The following ZNF704 variants were observed in gnomAD, a reference collection of about 807,000 sequenced individuals.
The protein encoded by ZNF704 is zinc finger protein 704.
ZNF704 carries 10 observed loss-of-function variants against 44.7 expected under a neutral mutation model. The observed-to-expected ratio is 0.22, with a 90% CI of 0.14 to 0.38. ZNF704 has a LOEUF of 0.38. Ranked by LOEUF, ZNF704 falls within the 10% of genes least tolerant of loss-of-function variation. The pLI, the probability that ZNF704 is intolerant of heterozygous loss-of-function variation, is 1.00. For missense variants in ZNF704, 390 were observed against 545.5 expected (o/e 0.71, Z 2.84); for synonymous variants, 211 against 207.6 (o/e 1.02, Z -0.14).
At chr8:80,685,892 T>C (rs1818526684) in intron 4 of ZNF704, among the ~76,000 whole-genome samples, 1 of 152,220 alleles carries the variant, frequency 6.6e-6, no homozygotes, top group Non-Finnish European at 1.5e-5. Context: ...GGAAAAAAGT[T>C]TGCACTGCAG....
intron 2 of ZNF704, among the ~76,000 whole-genome samples, chr8:80,718,738 G>C (rs1260290681): frequency 1.3e-5 from 2 of 152,144 alleles, no homozygotes; most frequent in African/African-American, 4.8e-5. Context: ...AAATAAGTAC[G>C]TAACTGAGGT....
At chr8:80,694,735 C>T (rs1187002282) in intron 2 of ZNF704, among the ~76,000 whole-genome samples, 1 of 152,196 alleles carries the variant, frequency 6.6e-6, no homozygotes, top group Non-Finnish European at 1.5e-5. Context: ...CAGTTTGGCT[C>T]TCTGATGTCC....
At chr8:80,711,534 A>G (rs1332806400) in intron 2 of ZNF704, among the ~76,000 whole-genome samples, 1 of 152,250 alleles carries the variant, frequency 6.6e-6, no homozygotes, top group Admixed American at 6.5e-5. Flanking sequence ...AGCAGGTTAA[A>G]GACTCACTGC....
chr8:80,703,027 C>T (rs1327573377), intron 2 of ZNF704, among the ~76,000 whole-genome samples: 2 of 152,008 alleles, frequency 1.3e-5, no homozygotes, highest in East Asian at 1.9e-4. Flanking sequence ...GTAACAGCCG[C>T]GGGGACACAG....
intron 2 of ZNF704, among the ~76,000 whole-genome samples, chr8:80,759,428 C>CT (rs1807091641): frequency 6.6e-6 from 1 of 152,046 alleles, no homozygotes; most frequent in African/African-American, 2.4e-5. Context: ...AGTTCATACC[C>CT]TTTTTAATAC....
chr8:80,818,798 T>G (rs1458541414), intron 2 of ZNF704, among the ~76,000 whole-genome samples: 2 of 152,166 alleles, frequency 1.3e-5, no homozygotes, highest in Non-Finnish European at 2.9e-5. Context: ...TTCTTCTTAG[T>G]AAACAAAAGG....
the ZNF704 span, among the ~76,000 whole-genome samples, chr8:80,883,245 CAAAA>C: frequency 4.0e-3 from 334 of 83,414 alleles, 1 homozygote; most frequent in African/African-American, 0.014. Flanking sequence ...GACACCCTCT[CAAAA>C]AAAAAAAAAA....
In ZNF704 at chr8:80,757,952, C is replaced by A. The variant is rs898111649; in HGVS notation, c.221+63422G>T. ...GCCTAATGACGCATTTCTCAGAATGCCTATCCCCATAGTTAAGTGACACAT... is the reference window on the plus strand; with the variant it reads ...GCCTAATGACGCATTTCTCAGAATGACTATCCCCATAGTTAAGTGACACAT... On this transcript the variant is annotated intron_variant, in intron 2 of 8. Coordinates refer to ENST00000327835, the MANE Select transcript of ZNF704 (RefSeq NM_001033723.3). 6.6e-5 allele frequency among the ~76,000 whole-genome samples: 10 copies of A among 152,110 alleles called. 1 individual carries two copies. In the East Asian group the frequency reaches 1.9e-3, roughly 29 times the overall value.
In ZNF704 at chr8:80,629,665, A is replaced by ATAAG. The variant is rs376453456; in HGVS notation, c.*11697_*11700dup. The ATAAG allele has an allele frequency of 2.6e-5, 4 of 152,354 alleles. No individual in the cohort carries two copies. The highest frequency in any genetic ancestry group is 9.6e-5 in the African/African-American group (4 of 41,578). The allele number at this position is 152,354 out of a possible 1,614,324, so 9.4% of individuals were successfully genotyped here. On this transcript the variant is annotated 3_prime_UTR_variant, in exon 9 of 9. Transcript: ENST00000327835. ...ATATTCTATATAGACTTTCCAAAAT[A>ATAAG]TAAGTAATTTTGAAAAAAGATCAAT... is the stretch of plus-strand genomic sequence containing the variant.
chr8:80,736,311 C>T (rs1015124305), intron 2 of ZNF704, among the ~76,000 whole-genome samples: 2 of 152,240 alleles, frequency 1.3e-5, no homozygotes, highest in Non-Finnish European at 2.9e-5. Flanking sequence ...GACGCAGTCT[C>T]GCTCTATCAC....
intron 1 of ZNF704, among the ~76,000 whole-genome samples, chr8:80,873,092 G>A (rs1402320154): frequency 2.0e-5 from 3 of 152,156 alleles, no homozygotes; most frequent in South Asian, 2.1e-4. Flanking sequence ...AAGAAACACC[G>A]CTTTCTGGTT....
rs938602537 is a variant in ZNF704, at chr8:80,640,013, ACAAG to A, written c.*1349_*1352del. 2 of 152,682 alleles carry A rather than the reference ACAAG, an allele frequency of 1.3e-5. No homozygotes were observed. The highest frequency in any genetic ancestry group is 6.5e-5 in the Admixed American group (1 of 15,296). 9.5% of individuals were successfully genotyped at this position (152,682 alleles called of 1,614,324 possible). A position where few individuals can be genotyped will look rare whatever the true frequency, so the allele number is the denominator to read the frequency against. On this transcript the variant is annotated 3_prime_UTR_variant, in exon 9 of 9. Transcript: ENST00000327835. ...CCCCACACCACTATCCCCCAAACAA[ACAAG>A]CAAGTAAGTTACGAAGCCCAATAAA...
chr8:80,876,586 C>G (rs549232214), upstream of ZNF704, among the ~76,000 whole-genome samples: 1 of 152,260 alleles, frequency 6.6e-6, no homozygotes, highest in African/African-American at 2.4e-5. Flanking sequence ...GCACCTAGGT[C>G]CGAATCCTGA....
chr8:80,698,856 G>A (rs1408632377), intron 2 of ZNF704, among the ~76,000 whole-genome samples: 3 of 151,996 alleles, frequency 2.0e-5, no homozygotes, highest in Admixed American at 6.5e-5. Flanking sequence ...TGTTTGTGCC[G>A]CAAGAAGCCT....
chr8:80,806,970 A>G (rs1807999856), intron 2 of ZNF704, among the ~76,000 whole-genome samples: 1 of 152,242 alleles, frequency 6.6e-6, no homozygotes, highest in Non-Finnish European at 1.5e-5. Context: ...GAATGACCAA[A>G]GCAGAAAGTC....
chr8:80,835,366 G>A (rs1422191929), intron 1 of ZNF704, among the ~76,000 whole-genome samples: 1 of 152,170 alleles, frequency 6.6e-6, no homozygotes, highest in Non-Finnish European at 1.5e-5. Context: ...TTAAGAACTT[G>A]TCTTGAAGAA....
At chr8:80,751,524 A>G (rs1383843791) in intron 2 of ZNF704, among the ~76,000 whole-genome samples, 4 of 152,218 alleles carry the variant, frequency 2.6e-5, no homozygotes, top group African/African-American at 4.8e-5. Flanking sequence ...CCAAATGTAC[A>G]TGGAAGATAG....
rs1339525109 is a variant in ZNF704 at position 80,631,897 on chromosome 8, T to C, written c.*9469A>G. The C allele has an allele frequency of 6.6e-6, 1 of 152,204 alleles. No individual in the cohort carries two copies. The highest frequency in any genetic ancestry group is 1.9e-4 in the East Asian group (1 of 5,188). 9.4% of individuals were successfully genotyped at this position (152,204 alleles called of 1,614,324 possible). Reference sequence around the variant, plus strand: ...CCTTAATTTAAGAGAGAGAAAGCAGTAGCACAGAAACAAGAATGTCCCATC... The same window carrying C: ...CCTTAATTTAAGAGAGAGAAAGCAGCAGCACAGAAACAAGAATGTCCCATC... On this transcript the variant is annotated 3_prime_UTR_variant, in exon 9 of 9. Coordinates refer to ENST00000327835, the MANE Select transcript of ZNF704 (RefSeq NM_001033723.3).
the ZNF704 span, among the ~76,000 whole-genome samples, chr8:80,881,349 G>A: frequency 6.6e-6 from 1 of 152,220 alleles, no homozygotes; most frequent in Non-Finnish European, 1.5e-5. Context: ...AGTGAGGGAA[G>A]TCACTGTGTG....
Sources: gnomAD v4.1 joint callset for allele counts (sites outside exome capture counted in the v4.1 genomes callset) on GRCh38, gnomAD v4.1.1 for gene constraint, MANE v1.5 for transcripts, NCBI Gene and HGNC (gene_info 2026-07-23, HGNC 2026-07-21) for gene names.